ZNF496: variants seen among roughly 807,000 people sequenced by gnomAD.
The protein encoded by ZNF496 is NSD1 (nuclear receptor binding SET-domain containing 1)-interacting zinc finger protein 1.
In ZNF496, 11 loss-of-function variants were observed where a neutral mutation model predicts 58.9. That is an observed-to-expected ratio of 0.19 (90% CI 0.12 to 0.31). ZNF496 has a LOEUF of 0.31. Ranked by LOEUF, ZNF496 falls within the 10% of genes least tolerant of loss-of-function variation. The probability of loss-of-function intolerance (pLI) is 1.00; values close to 1 mark genes in which losing one functional copy is unlikely to be tolerated. For missense variants in ZNF496, 660 were observed against 783.0 expected (o/e 0.84, Z 1.88); for synonymous variants, 338 against 318.2 (o/e 1.06, Z -0.66).
In ZNF496 at chr1:247,309,324, C is replaced by T; in HGVS notation, c.892+375G>A. The T allele has an allele frequency of 3.0e-6, 3 of 1,007,732 alleles. No individual in the cohort carries two copies. Among genetic ancestry groups the T allele is most frequent in the Non-Finnish European group, 3.6e-6 (3 of 825,766 alleles). 62.4% of individuals were successfully genotyped at this position (1,007,732 alleles called of 1,614,324 possible). On this transcript the variant is annotated intron_variant, in intron 8 of 9. Coordinates refer to ENST00000682384, the MANE Select transcript of ZNF496 (RefSeq NM_032752.3). This position sits in a 1 kb window ranked among gnomAD's most constrained non-coding sequence, Gnocchi z 4.3. ...TAGACAGGTGAGGCACCTCAAAGGGCTGCGCTCGGTGCCCAGTTAGGAGAC... is the reference window on the plus strand; with the variant it reads ...TAGACAGGTGAGGCACCTCAAAGGGTTGCGCTCGGTGCCCAGTTAGGAGAC...
intron 9 of ZNF496, among the ~76,000 whole-genome samples, chr1:247,303,725 A>G (rs560114635): frequency 6.6e-6 from 1 of 152,340 alleles, no homozygotes; most frequent in African/African-American, 2.4e-5. Flanking sequence ...GTGAAACGTG[A>G]GATGAGAGAG....
At chr1:247,322,957 T>C (rs1240649769) in intron 6 of ZNF496, among the ~76,000 whole-genome samples, 197 bp downstream of exon 6, 1 of 152,080 alleles carries the variant, frequency 6.6e-6, no homozygotes, top group African/African-American at 2.4e-5. Context: ...GTAGACCCAG[T>C]GGGCGGCTGG....
intron 6 of ZNF496, among the ~76,000 whole-genome samples, chr1:247,318,478 T>C (rs1659855643): frequency 6.6e-6 from 1 of 152,088 alleles, no homozygotes; most frequent in African/African-American, 2.4e-5. Context: ...AAGAAAAAAA[T>C]CTTAAAGGTA....
Position 247,323,154 on chromosome 1 carries a change from C to CG in ZNF496, c.650dup (p.Ser218GlufsTer15). ...AAGGACTCCTGTAGAAACCACTCAC[C>CG]GGGGGTAGCTGGAGGGTGGTCACCT... On this transcript the variant is annotated frameshift_variant and splice_region_variant, in exon 6 of 10. Coordinates refer to ENST00000682384, the MANE Select transcript of ZNF496 (RefSeq NM_032752.3). LOFTEE classifies it high-confidence loss of function. 6.2e-7 allele frequency: 1 copy of CG among 1,613,282 alleles called. No individual in the cohort carries two copies. Among genetic ancestry groups the CG allele is most frequent in the Non-Finnish European group, 8.5e-7 (1 of 1,179,416 alleles).
intron 9 of ZNF496, among the ~76,000 whole-genome samples, 192 bp from the exon 10 acceptor site, chr1:247,301,468 G>C (rs1371393226): frequency 6.6e-6 from 1 of 152,082 alleles, no homozygotes; most frequent in Admixed American, 6.5e-5. Context: ...CTTCAGCATG[G>C]GCCCCGCTGT....
At position 247,308,028 on chromosome 1, in the gene ZNF496, C is replaced by G; in HGVS notation, c.1006+447G>C. On this transcript the variant is annotated intron_variant, in intron 9 of 9. Transcript: ENST00000682384. The surrounding 1 kb of genome is among the most constrained non-coding windows in gnomAD (Gnocchi z 4.5). ...TGTGCCAGGATGCTGGCCATCCATG[C>G]TGAGAGAAGAAAAACACTCACTGCA... 3.0e-6 allele frequency: 3 copies of G among 985,366 alleles called. No homozygotes were observed. Among genetic ancestry groups the G allele is most frequent in the Non-Finnish European group, 3.6e-6 (3 of 829,904 alleles). The allele number at this position is 985,366 out of a possible 1,614,324, so 61.0% of individuals were successfully genotyped here.
At chr1:247,323,362 G>C in intron 5 of ZNF496, 132 bp from the exon 6 acceptor site, 1 of 620,320 alleles carries the variant, frequency 1.6e-6, no homozygotes, top group Admixed American at 3.0e-5. Context: ...CACCAACAGG[G>C]AACTGTTTCA....
rs1358705874 is a variant in ZNF496 at position 247,309,570 on chromosome 1, C to CACAT, written c.892+125_892+128dup. On this transcript the variant is annotated intron_variant, in intron 8 of 9. Transcript: ENST00000682384. The surrounding 1 kb of genome is among the most constrained non-coding windows in gnomAD (Gnocchi z 4.3). Reference sequence around the variant, plus strand: ...GGGACAAGGCAAGACATGCAAGACCCACATAGAGTCTGGGGAAATGAAGAA... The same window carrying CACAT: ...GGGACAAGGCAAGACATGCAAGACCCACATACATAGAGTCTGGGGAAATGAAGAA... The CACAT allele has an allele frequency of 6.8e-7, 1 of 1,464,600 alleles. No homozygotes were observed. The highest frequency in any genetic ancestry group is 9.0e-7 in the Non-Finnish European group (1 of 1,109,574). The allele number at this position is 1,464,600 out of a possible 1,614,324, so 90.7% of individuals were successfully genotyped here. A position where few individuals can be genotyped will look rare whatever the true frequency, so the allele number is the denominator to read the frequency against.
intron 6 of ZNF496, among the ~76,000 whole-genome samples, chr1:247,316,135 G>GGTGTGTGT (rs148003455): frequency 0.052 from 7,292 of 139,840 alleles, 263 homozygotes; most frequent in Admixed American, 0.068. Flanking sequence ...CTGGGAGAGG[G>GGTGTGTGT]GTGTGTGTGT....
chr1:247,331,102 C>G (rs1318741408), intron 2 of ZNF496, among the ~76,000 whole-genome samples: 1 of 152,178 alleles, frequency 6.6e-6, no homozygotes, highest in African/African-American at 2.4e-5. Context: ...CAGGACTACT[C>G]AGGCCCGCCC....
Position 247,306,434 on chromosome 1 carries a change from C to T in ZNF496, c.1006+2041G>A, listed in dbSNP as rs933765636. 1.9e-4 allele frequency among the ~76,000 whole-genome samples: 29 copies of T among 150,308 alleles called. 1 individual carries two copies. The highest frequency in any genetic ancestry group is 1.4e-3 in the Admixed American group (21 of 15,098). On this transcript the variant is annotated intron_variant, in intron 9 of 9. Transcript: ENST00000682384. ...GCTGGTCTTGAACTCCTGACCTCAGCGATCTGCCTGCCTCAGCCTCTCAAT... is the reference window on the plus strand; with the variant it reads ...GCTGGTCTTGAACTCCTGACCTCAGTGATCTGCCTGCCTCAGCCTCTCAAT...
At chr1:247,323,080 G>A in intron 6 of ZNF496, 74 bp downstream of exon 6, 5 of 1,271,084 alleles carry the variant, frequency 3.9e-6, no homozygotes, top group Non-Finnish European at 5.7e-6. Context: ...GCTGGCTGGG[G>A]TCCTAAGAAA....
Position 247,329,145 on chromosome 1 carries a change from A to G in ZNF496, c.390+44T>C, listed in dbSNP as rs1331693115. 6.2e-7 allele frequency: 1 copy of G among 1,612,528 alleles called. No homozygotes were observed. Among genetic ancestry groups the G allele is most frequent in the Admixed American group, 1.7e-5 (1 of 59,908 alleles). On this transcript the variant is annotated intron_variant, in intron 4 of 9. Transcript: ENST00000682384. This position sits in a 1 kb window ranked among gnomAD's most constrained non-coding sequence, Gnocchi z 5.5. ...ATGCATGGCCCAGCCAAAGTGTCTA[A>G]GTACCAGATCTCTACCCGTCCCAGC...
At position 247,308,909 on chromosome 1, in the gene ZNF496, T is replaced by C. The variant is rs996023162; in HGVS notation, c.893-321A>G. 8.5e-6 allele frequency: 3 copies of C among 352,132 alleles called. No individual in the cohort carries two copies. The highest frequency in any genetic ancestry group is 1.6e-5 in the Non-Finnish European group (3 of 182,268). 21.8% of individuals were successfully genotyped at this position (352,132 alleles called of 1,614,324 possible). A position where few individuals can be genotyped will look rare whatever the true frequency, so the allele number is the denominator to read the frequency against. On this transcript the variant is annotated intron_variant, in intron 8 of 9. Coordinates refer to ENST00000682384, the MANE Select transcript of ZNF496 (RefSeq NM_032752.3). This position sits in a 1 kb window ranked among gnomAD's most constrained non-coding sequence, Gnocchi z 4.5. ...CCCACTTTCTGTGGTGGGTTTTCTA[T>C]AGTCATCACCACAGGCTCCTGCACA...
At chr1:247,314,402 T>A (rs1003486986) in intron 6 of ZNF496, among the ~76,000 whole-genome samples, 2 of 142,384 alleles carry the variant, frequency 1.4e-5, no homozygotes, top group Admixed American at 6.7e-5. Flanking sequence ...TGTGTCAAGG[T>A]TTTCAGTATT....
rs979773882 is a variant in ZNF496 at position 247,297,741 on chromosome 1, A to C, written c.*2778T>G. On this transcript the variant is annotated 3_prime_UTR_variant, in exon 10 of 10. Transcript: ENST00000682384. ...ACGTTCCCCCTGCTGCTCCTGCTGC[A>C]TGGCATCAACCTGGGTTTCAGTTAC... is the stretch of plus-strand genomic sequence containing the variant. 3.9e-5 allele frequency: 6 copies of C among 152,406 alleles called. No homozygotes were observed. Among genetic ancestry groups the C allele is most frequent in the South Asian group, 2.1e-4 (1 of 4,832 alleles). The allele number at this position is 152,406 out of a possible 1,614,324, so 9.4% of individuals were successfully genotyped here.
rs1660228747 is a variant in ZNF496, at chr1:247,329,010, G to A, written c.391-144C>T. The A allele has an allele frequency of 1.5e-6, 2 of 1,379,060 alleles. No individual in the cohort carries two copies. The highest frequency in any genetic ancestry group is 2.0e-6 in the Non-Finnish European group (2 of 1,014,776). 85.4% of individuals were successfully genotyped at this position (1,379,060 alleles called of 1,614,324 possible). On this transcript the variant is annotated intron_variant, in intron 4 of 9. Coordinates refer to ENST00000682384, the MANE Select transcript of ZNF496 (RefSeq NM_032752.3). This position sits in a 1 kb window ranked among gnomAD's most constrained non-coding sequence, Gnocchi z 5.5. Reference sequence around the variant, plus strand: ...CTGTAAAGGGGCACGACACTATCATGCCCAAATTAGAGCCTTCAGGGAGTA... The same window carrying A: ...CTGTAAAGGGGCACGACACTATCATACCCAAATTAGAGCCTTCAGGGAGTA...
chr1:247,330,067 C>A lies in ZNF496; in HGVS notation c.-139G>T, dbSNP rs1009641455. 3 of 153,622 alleles carry A rather than the reference C, an allele frequency of 2.0e-5. No individual in the cohort carries two copies. Among genetic ancestry groups the A allele is most frequent in the African/African-American group, 7.2e-5 (3 of 41,480 alleles). 9.5% of individuals were successfully genotyped at this position (153,622 alleles called of 1,614,324 possible). A position where few individuals can be genotyped will look rare whatever the true frequency, so the allele number is the denominator to read the frequency against. On this transcript the variant is annotated 5_prime_UTR_variant, in exon 3 of 10. Coordinates refer to ENST00000682384, the MANE Select transcript of ZNF496 (RefSeq NM_032752.3). ...GAAGTCACTGTTCTTGTTATTAAGA[C>A]CTTTACAAATGGAGCTGGAATGACA...
Position 247,309,906 on chromosome 1 carries a change from G to A in ZNF496, c.785-100C>T, listed in dbSNP as rs1659537764. Reference sequence around the variant, plus strand: ...GAGAAGGCGGAGGGATGCCCAGCGGGCATGGCACCATCAGGGGCGAGAAGT... The same window carrying A: ...GAGAAGGCGGAGGGATGCCCAGCGGACATGGCACCATCAGGGGCGAGAAGT... On this transcript the variant is annotated intron_variant, in intron 7 of 9. Transcript: ENST00000682384. The surrounding 1 kb of genome is among the most constrained non-coding windows in gnomAD (Gnocchi z 4.3). 3.0e-5 allele frequency: 43 copies of A among 1,437,390 alleles called. No homozygotes were observed. In the South Asian group the frequency reaches 5.5e-4, roughly 19 times the overall value. 89.0% of individuals were successfully genotyped at this position (1,437,390 alleles called of 1,614,324 possible). A position where few individuals can be genotyped will look rare whatever the true frequency, so the allele number is the denominator to read the frequency against.
Sources: allele counts gnomAD v4.1 joint callset (sites outside exome capture counted in the v4.1 genomes callset), GRCh38; gene constraint gnomAD v4.1.1; non-coding constraint Gnocchi (gnomAD v3.1); transcripts MANE v1.5; gene names NCBI Gene and HGNC (gene_info 2026-07-23, HGNC 2026-07-21).